Variants in SGPP1 observed in about 807,000 individuals in gnomAD.
SGPP1 encodes the protein sphingosine-1-phosphate phosphatase 1.
SGPP1 carries 21 observed loss-of-function variants against 33.0 expected under a neutral mutation model. The ratio of observed to expected loss-of-function variants is 0.64; its 90% confidence interval spans 0.45 to 0.92. The LOEUF (loss-of-function observed/expected upper bound fraction) is 0.92. Among genes scored for constraint, SGPP1 ranks in the 40% least tolerant of loss-of-function variants. SGPP1 has a pLI of 0.00. For missense variants in SGPP1, 543 were observed against 589.4 expected (o/e 0.92, Z 0.81); for synonymous variants, 239 against 241.2 (o/e 0.99, Z 0.08).
chr14:63,724,520 C>T (rs1332274736), intron 1 of SGPP1, among the ~76,000 whole-genome samples: 1 of 150,564 alleles, frequency 6.6e-6, no homozygotes, highest in East Asian at 1.9e-4. Flanking sequence ...TCTATATAAG[C>T]CTCCAATGCA....
chr14:63,699,273 A>G (rs1276793182), intron 1 of SGPP1, among the ~76,000 whole-genome samples: 1 of 152,216 alleles, frequency 6.6e-6, no homozygotes, highest in African/African-American at 2.4e-5. Flanking sequence ...GCATAAACAG[A>G]AAGTGCAGAC....
At position 63,718,841 on chromosome 14, in the gene SGPP1, G is replaced by C. The variant is rs569015559; in HGVS notation, c.684+8420C>G. Among the ~76,000 whole-genome samples the C allele has an allele frequency of 6.0e-3, 892 of 149,628 alleles. 9 individuals are homozygous for C. Among genetic ancestry groups the C allele is most frequent in the African/African-American group, 0.021 (853 of 40,884 alleles). On this transcript the variant is annotated intron_variant, in intron 1 of 2. Transcript: ENST00000247225. ...CTTTGAATAGACAGCTCACAGAAAA[G>C]GAAACATAAGTGGTCAATAAACCTA...
intron 1 of SGPP1, among the ~76,000 whole-genome samples, chr14:63,724,719 C>CGAA (rs1566538944): frequency 6.7e-6 from 1 of 149,684 alleles, no homozygotes; most frequent in African/African-American, 2.5e-5. Context: ...GTGGGGAGGC[C>CGAA]GATGAGCGGG....
At chr14:63,702,083 C>T (rs1481049489) in intron 1 of SGPP1, among the ~76,000 whole-genome samples, 2 of 151,994 alleles carry the variant, frequency 1.3e-5, no homozygotes, top group Non-Finnish European at 1.5e-5. Flanking sequence ...GAAAAAATCA[C>T]CTATAGAGTC....
intron 1 of SGPP1, among the ~76,000 whole-genome samples, chr14:63,719,548 A>G (rs186487322): frequency 6.6e-6 from 1 of 152,172 alleles, no homozygotes; most frequent in African/African-American, 2.4e-5. Context: ...TACACTAGCA[A>G]ACAATTGGAA....
At chr14:63,698,270 AAG>A (rs1451430407) in intron 2 of SGPP1, among the ~76,000 whole-genome samples, 1 of 152,320 alleles carries the variant, frequency 6.6e-6, no homozygotes, top group Non-Finnish European at 1.5e-5. Flanking sequence ...ACTCAGTGAT[AAG>A]AGAGACACAG....
At chr14:63,698,468 C>T (rs972901883) in intron 2 of SGPP1, 101 bp downstream of exon 2, 4 of 546,692 alleles carry the variant, frequency 7.3e-6, no homozygotes, top group Non-Finnish European at 1.2e-5. Context: ...ACAATATTTT[C>T]TCATTTAGGC....
At chr14:63,721,300 C>T (rs991397396) in intron 1 of SGPP1, among the ~76,000 whole-genome samples, 2 of 151,990 alleles carry the variant, frequency 1.3e-5, no homozygotes, top group African/African-American at 4.8e-5. Flanking sequence ...CAAAATTAGC[C>T]GGGTGTGGTG....
chr14:63,699,832 C>T (rs1226989265), intron 1 of SGPP1, among the ~76,000 whole-genome samples: 4 of 151,790 alleles, frequency 2.6e-5, no homozygotes, highest in South Asian at 2.1e-4. Context: ...GTCATAGCTT[C>T]ATACTCTCCT....
Position 63,686,200 on chromosome 14 carries a change from C to G in SGPP1, c.1231G>C (p.Val411Leu), listed in dbSNP as rs1229525371. 1.2e-6 allele frequency: 2 copies of G among 1,613,962 alleles called. No homozygotes were observed. The highest frequency in any genetic ancestry group is 1.7e-6 in the Non-Finnish European group (2 of 1,179,962). The change falls in exon 3 of 3, where the codon GTT becomes CTT. Residue 411 changes from valine to leucine, a missense_variant. Val to Leu is a conservative substitution (Grantham distance 32). Transcript: ENST00000247225. ...GTAATATACCGATAAGGAAGTTCAA[C>G]TTCCATGTGCTGTCTTGCTTTTCGA... The part of the protein sequence containing the change: ...DIRKARQHME[V>L]ELPYRYITYG...
chr14:63,725,790 T>C (rs746556537), intron 1 of SGPP1, among the ~76,000 whole-genome samples: 2 of 152,154 alleles, frequency 1.3e-5, no homozygotes, highest in Non-Finnish European at 2.9e-5. Context: ...GCATACAAAA[T>C]AGCTACTCAC....
At chr14:63,690,006 C>T (rs980018703) in intron 2 of SGPP1, among the ~76,000 whole-genome samples, 2 of 152,074 alleles carry the variant, frequency 1.3e-5, no homozygotes, top group South Asian at 2.1e-4. Flanking sequence ...GTCATTTAAG[C>T]TGTTTTTGGG....
In SGPP1 at chr14:63,697,223, C is replaced by G. The variant is rs115772793; in HGVS notation, c.774+1346G>C. 2.9e-3 allele frequency among the ~76,000 whole-genome samples: 448 copies of G among 152,236 alleles called. 1 individual carries two copies. The highest frequency in any genetic ancestry group is 5.0e-3 in the Non-Finnish European group (340 of 68,012). The stretch of plus-strand genomic sequence containing the variant: ...GAAACAATGACCAACCCCAAAATTA[C>G]AGCACACACTGCCTCCCAACAAAAT... On this transcript the variant is annotated intron_variant, in intron 2 of 2. Transcript: ENST00000247225.
intron 2 of SGPP1, among the ~76,000 whole-genome samples, chr14:63,688,526 T>C (rs1024984698): frequency 2.0e-5 from 3 of 151,904 alleles, no homozygotes; most frequent in Admixed American, 2.0e-4. Context: ...CCTGACAACA[T>C]ACAAAAATGT....
Position 63,684,228 on chromosome 14 carries a change from T to C in SGPP1, c.*1877A>G, listed in dbSNP as rs1193633470. ...AAGCAAAACCTTCTTTAATCTTCAA[T>C]TTGGCTTTTATTTTAAAATACATTT... On this transcript the variant is annotated 3_prime_UTR_variant, in exon 3 of 3. Transcript: ENST00000247225. 2 of 152,138 alleles carry C rather than the reference T, an allele frequency of 1.3e-5. No individual in the cohort carries two copies. The highest frequency in any genetic ancestry group is 3.2e-3 in the Middle Eastern group (1 of 316). 9.4% of individuals were successfully genotyped at this position (152,138 alleles called of 1,614,324 possible).
At chr14:63,711,446 G>T (rs1885521603) in intron 1 of SGPP1, among the ~76,000 whole-genome samples, 1 of 152,140 alleles carries the variant, frequency 6.6e-6, no homozygotes, top group Non-Finnish European at 1.5e-5. Flanking sequence ...TTATTTTAAG[G>T]ATTGGTCATG....
intron 1 of SGPP1, among the ~76,000 whole-genome samples, chr14:63,717,243 TAA>T (rs35499270): frequency 5.4e-5 from 7 of 129,680 alleles, no homozygotes; most frequent in Admixed American, 1.6e-4. Flanking sequence ...CAAAAATGCT[TAA>T]AAAAAAAAAA....
chr14:63,693,762 A>G (rs1169949755), intron 2 of SGPP1, among the ~76,000 whole-genome samples: 6 of 152,090 alleles, frequency 3.9e-5, no homozygotes, highest in Admixed American at 3.3e-4. Context: ...TACAGGTACA[A>G]GCCACCATGA....
intron 2 of SGPP1, among the ~76,000 whole-genome samples, chr14:63,691,892 G>C (rs888253300): frequency 2.0e-5 from 3 of 151,356 alleles, no homozygotes; most frequent in African/African-American, 7.3e-5. Context: ...ATAAATGTTT[G>C]GTTAGTTAAA....
Sources: gnomAD v4.1 joint callset for allele counts (sites outside exome capture counted in the v4.1 genomes callset) on GRCh38, gnomAD v4.1.1 for gene constraint, MANE v1.5 for transcripts, NCBI Gene and HGNC (gene_info 2026-07-23, HGNC 2026-07-21) for gene names.